The following ZPBP variants were observed in gnomAD, a reference collection of about 807,000 sequenced individuals.
ZPBP encodes the protein zona pellucida-binding protein 1.
Under a neutral mutation model 44.8 loss-of-function variants are expected in ZPBP, and 26 were observed. The observed-to-expected ratio is 0.58, with a 90% CI of 0.43 to 0.81. The LOEUF (loss-of-function observed/expected upper bound fraction) is 0.81. Ranked by LOEUF, ZPBP falls within the 30% of genes least tolerant of loss-of-function variation. The pLI is 0.00. For missense variants in ZPBP, 409 were observed against 434.0 expected (o/e 0.94, Z 0.51); for synonymous variants, 174 against 153.2 (o/e 1.14, Z -1.00).
chr7:50,055,388 G>C (rs989859781), intron 4 of ZPBP, among the ~76,000 whole-genome samples: 1 of 152,124 alleles, frequency 6.6e-6, no homozygotes, highest in African/African-American at 2.4e-5. Context: ...AGCATAAAAA[G>C]AGTAGGTCTC....
rs1201362294 is a variant in ZPBP at position 50,022,122 on chromosome 7, C to T, written c.707-3806G>A. Among the ~76,000 whole-genome samples, 5 of 152,122 alleles carry T rather than the reference C, an allele frequency of 3.3e-5. No homozygotes were observed. The South Asian group carries it at 6.2e-4, about 19-fold the overall frequency. On this transcript the variant is annotated intron_variant, in intron 5 of 7. Transcript: ENST00000046087. Reference sequence around the variant, plus strand: ...GCTGTCAAAAATGAAGGAGAATCTACGATCTTCCAAAAATCAACAGCTGAT... The same window carrying T: ...GCTGTCAAAAATGAAGGAGAATCTATGATCTTCCAAAAATCAACAGCTGAT...
chr7:50,088,116 T>C (rs1441765130), intron 2 of ZPBP, among the ~76,000 whole-genome samples: 4 of 151,914 alleles, frequency 2.6e-5, no homozygotes, highest in Non-Finnish European at 5.9e-5. Context: ...AGTCCAAAAA[T>C]AAACCCATAC....
chr7:50,027,085 A>C (rs1799371880), intron 5 of ZPBP, among the ~76,000 whole-genome samples: 1 of 151,904 alleles, frequency 6.6e-6, no homozygotes. Flanking sequence ...CCCCTCATAA[A>C]TATGTATAGC....
At chr7:50,021,548 C>CAT (rs1457727418) in intron 5 of ZPBP, among the ~76,000 whole-genome samples, 3 of 151,924 alleles carry the variant, frequency 2.0e-5, no homozygotes, top group Non-Finnish European at 4.4e-5. Context: ...AGTGTACCAC[C>CAT]ATATACATGA....
intron 7 of ZPBP, among the ~76,000 whole-genome samples, chr7:49,947,194 C>T (rs745413040): frequency 4.6e-5 from 7 of 152,042 alleles, no homozygotes; most frequent in Non-Finnish European, 7.4e-5. Context: ...GATTGATCAC[C>T]GGTGCCCTAT....
chr7:50,085,606 T>C (rs1286612245), intron 2 of ZPBP, among the ~76,000 whole-genome samples: 1 of 152,080 alleles, frequency 6.6e-6, no homozygotes, highest in Middle Eastern at 3.2e-3. Context: ...GTCAACATCC[T>C]GGAAGACCTC....
chr7:49,911,403 A>G (rs769654384), intron 1 of ZPBP, among the ~76,000 whole-genome samples: 8 of 132,974 alleles, frequency 6.0e-5, no homozygotes, highest in Non-Finnish European at 1.2e-4. Context: ...AATCGCTTGA[A>G]CCCCGGAGGC....
chr7:49,908,507 G>A (rs1398168392), intron 1 of ZPBP, among the ~76,000 whole-genome samples: 1 of 151,876 alleles, frequency 6.6e-6, no homozygotes, highest in African/African-American at 2.4e-5. Context: ...AAATCTAAGA[G>A]GAAAATTTTT....
At chr7:49,848,406 G>A (rs1352830925), downstream of ZPBP, among the ~76,000 whole-genome samples, 1 of 152,224 alleles carries the variant, frequency 6.6e-6, no homozygotes, top group Non-Finnish European at 1.5e-5. Context: ...TGAGAGCCGG[G>A]CATGGCCCCG....
Position 50,031,105 on chromosome 7 carries a change from G to A in ZPBP, c.693C>T (p.Phe231=). Residue 231 remains phenylalanine (F), a synonymous_variant, in exon 5 of 8, where the codon TTC becomes TTT. Coordinates refer to ENST00000046087, the MANE Select transcript of ZPBP (RefSeq NM_007009.3). ...GTATAGACTTACCTGAAAATGCAAA[G>A]AACAATTCATTTTGCAAACCAGCTC... ...MQRAGLQNEL[F]FAFSVSSLDT... The A allele has an allele frequency of 6.2e-7, 1 of 1,613,358 alleles. No individual in the cohort carries two copies.
chr7:49,889,085 G>C (rs1378955796), intron 2 of ZPBP, among the ~76,000 whole-genome samples: 1 of 152,192 alleles, frequency 6.6e-6, no homozygotes, highest in Non-Finnish European at 1.5e-5. Context: ...AGTGAGACCA[G>C]ATATACAGGG....
intron 3 of ZPBP, among the ~76,000 whole-genome samples, chr7:50,067,414 T>A (rs1298046734): frequency 1.3e-5 from 2 of 152,108 alleles, no homozygotes. Context: ...TCTGTGTAAA[T>A]ATTTGTCCTT....
At chr7:49,928,494 T>C (rs1180008900) in intron 1 of ZPBP, among the ~76,000 whole-genome samples, 3 of 152,188 alleles carry the variant, frequency 2.0e-5, no homozygotes, top group Non-Finnish European at 4.4e-5. Flanking sequence ...TTCCCCACTC[T>C]CCTTCAGGAC....
rs529369049 is a variant in ZPBP at position 50,024,067 on chromosome 7, A to G, written c.707-5751T>C. On this transcript the variant is annotated intron_variant, in intron 5 of 7. Transcript: ENST00000046087. ...AGAAAAAAAGGAAAAAGTGCTTAAC[A>G]TCACCAATAATCAGGGAAATGCAAA... 4.2e-4 allele frequency among the ~76,000 whole-genome samples: 64 copies of G among 152,214 alleles called. 2 individuals are homozygous for G. In the South Asian group the frequency reaches 0.013, roughly 30 times the overall value.
intron 7 of ZPBP, among the ~76,000 whole-genome samples, chr7:49,960,320 C>A (rs541915449): frequency 6.6e-6 from 1 of 152,012 alleles, no homozygotes; most frequent in South Asian, 2.1e-4. Flanking sequence ...ACTCGAGAGG[C>A]TGAGGCAAGA....
intron 1 of ZPBP, among the ~76,000 whole-genome samples, chr7:49,910,668 GATC>G (rs1417746023): frequency 6.6e-6 from 1 of 152,154 alleles, no homozygotes; most frequent in African/African-American, 2.4e-5. Context: ...CCATGTCCTT[GATC>G]TTAACATAAA....
intron 7 of ZPBP, among the ~76,000 whole-genome samples, chr7:49,949,891 T>C (rs994804412): frequency 5.9e-5 from 9 of 151,972 alleles, no homozygotes; most frequent in East Asian, 1.9e-4. Context: ...AGAATTCACA[T>C]AGATATGGAA....
At chr7:50,084,345 T>G (rs1233221750) in intron 2 of ZPBP, among the ~76,000 whole-genome samples, 1 of 134,494 alleles carries the variant, frequency 7.4e-6, no homozygotes, top group African/African-American at 2.9e-5. Flanking sequence ...CTTCTGAACA[T>G]GTACCAAAAA....
intron 6 of ZPBP, among the ~76,000 whole-genome samples, chr7:49,986,413 G>A (rs1797282742): frequency 6.6e-6 from 1 of 152,268 alleles, no homozygotes; most frequent in African/African-American, 2.4e-5. Flanking sequence ...TCCCAGCTGG[G>A]GCTGGGGCCC....
Sources: allele counts gnomAD v4.1 joint callset (sites outside exome capture counted in the v4.1 genomes callset), GRCh38; gene constraint gnomAD v4.1.1; transcripts MANE v1.5; gene names NCBI Gene and HGNC (gene_info 2026-07-23, HGNC 2026-07-21).